The following PCLO variants were observed in gnomAD, a reference collection of about 807,000 sequenced individuals.
PCLO encodes the protein protein piccolo.
In PCLO, 82 loss-of-function variants were observed where a neutral mutation model predicts 427.5. That is an observed-to-expected ratio of 0.19 (90% CI 0.16 to 0.23). The LOEUF (loss-of-function observed/expected upper bound fraction) is 0.23. PCLO is among the 10% of genes least tolerant of loss of function. The pLI is 1.00. For synonymous variants in PCLO, 2,357 were observed against 2,155.4 expected (o/e 1.09, Z -2.59); for missense variants, 6,239 against 6,115.9 (o/e 1.02, Z -0.67).
In PCLO at chr7:82,954,806, T is replaced by G; in HGVS notation, c.6147A>C (p.Val2049=). 1 of 1,613,870 alleles carries G rather than the reference T, an allele frequency of 6.2e-7. No homozygotes were observed. The highest frequency in any genetic ancestry group is 8.5e-7 in the Non-Finnish European group (1 of 1,179,812). ...SHEIVDLGTM[V]TSTEEERKLL... ...GTTTCCTTTCTTCTTCTGTAGAAGT[T>G]ACCATAGTACCCAGGTCCACTATCT... The change falls in exon 5 of 25, where the codon GTA becomes GTC. Residue 2049 remains valine (V), a synonymous_variant. Coordinates refer to ENST00000333891, the MANE Select transcript of PCLO (RefSeq NM_033026.6).
chr7:82,988,039 T>C (rs1400551552), intron 3 of PCLO, among the ~76,000 whole-genome samples: 1 of 152,136 alleles, frequency 6.6e-6, no homozygotes, highest in Non-Finnish European at 1.5e-5. Context: ...TGAGTATGGA[T>C]ATACTATTTA....
chr7:82,888,099 T>C (rs577831646), intron 9 of PCLO, among the ~76,000 whole-genome samples: 1 of 150,278 alleles, frequency 6.7e-6, no homozygotes, highest in South Asian at 2.1e-4. Flanking sequence ...AGAAAGAAAA[T>C]GAATACTATG....
intron 22 of PCLO, among the ~76,000 whole-genome samples, chr7:82,767,230 C>T (rs1208179600): frequency 1.3e-5 from 2 of 152,116 alleles, no homozygotes; most frequent in Admixed American, 6.6e-5. Context: ...TTAGAAAATG[C>T]TTTGACCAGC....
At chr7:82,858,647 C>T (rs942325939) in intron 10 of PCLO, among the ~76,000 whole-genome samples, 2 of 152,074 alleles carry the variant, frequency 1.3e-5, no homozygotes, top group Admixed American at 6.6e-5. Context: ...CTATACTATA[C>T]TCAGCTTATA....
Position 82,755,873 on chromosome 7 carries a change from T to C in PCLO, c.*2702A>G, listed in dbSNP as rs1005541470. 6.6e-6 allele frequency: 1 copy of C among 152,108 alleles called. No individual in the cohort carries two copies. The highest frequency in any genetic ancestry group is 2.4e-5 in the African/African-American group (1 of 41,424). The allele number at this position is 152,108 out of a possible 1,614,324, so 9.4% of individuals were successfully genotyped here. On this transcript the variant is annotated 3_prime_UTR_variant, in exon 25 of 25. Coordinates refer to ENST00000333891, the MANE Select transcript of PCLO (RefSeq NM_033026.6). ...ATTCCAGTACAACCTAGAAGTTTGG[T>C]CAGCTGCAAACTTGGCACACTGGCA...
chr7:82,865,955 C>T (rs773723089), intron 10 of PCLO, among the ~76,000 whole-genome samples: 2 of 152,122 alleles, frequency 1.3e-5, no homozygotes, highest in Non-Finnish European at 2.9e-5. Flanking sequence ...AATTGCGTCT[C>T]ATCTCACATA....
intron 8 of PCLO, among the ~76,000 whole-genome samples, chr7:82,903,276 C>A (rs985516828): frequency 1.3e-5 from 2 of 151,860 alleles, no homozygotes; most frequent in Admixed American, 6.6e-5. Context: ...AGCACAGGTA[C>A]TAGAAGTTTC....
intron 22 of PCLO, among the ~76,000 whole-genome samples, chr7:82,799,739 A>T (rs1259046357): frequency 2.6e-5 from 4 of 152,230 alleles, no homozygotes; most frequent in Non-Finnish European, 4.4e-5. Flanking sequence ...GTCTCAGGAT[A>T]TATTTCTGGC....
intron 6 of PCLO, among the ~76,000 whole-genome samples, chr7:82,947,594 T>G (rs946190203): frequency 6.6e-6 from 1 of 152,154 alleles, no homozygotes; most frequent in Non-Finnish European, 1.5e-5. Flanking sequence ...TACCTGTGCA[T>G]GTAATAAGAC....
intron 1 of PCLO, 124 bp downstream of exon 1, chr7:83,162,221 T>G: frequency 8.6e-7 from 1 of 1,167,928 alleles, no homozygotes; most frequent in Non-Finnish European, 1.2e-6. Context: ...GCCACCCCAC[T>G]GGGGAGAATA....
intron 7 of PCLO, among the ~76,000 whole-genome samples, chr7:82,910,929 C>T (rs1004796430): frequency 4.6e-5 from 7 of 151,964 alleles, no homozygotes; most frequent in African/African-American, 1.4e-4. Context: ...TACTTCTTAC[C>T]GGATTTTATT....
chr7:82,943,644 T>C (rs1455928109), intron 6 of PCLO, among the ~76,000 whole-genome samples: 6 of 152,110 alleles, frequency 3.9e-5, no homozygotes, highest in South Asian at 2.1e-4. Context: ...ATTGAAGTTA[T>C]TGATCATCTG....
chr7:82,940,863 T>C (rs897270924), intron 6 of PCLO, among the ~76,000 whole-genome samples: 3 of 149,460 alleles, frequency 2.0e-5, no homozygotes, highest in Admixed American at 6.7e-5. Context: ...CCCGGGTTCA[T>C]GCCATTCTCC....
Position 83,044,737 on chromosome 7 carries a change from C to T in PCLO, c.3301-78250G>A, listed in dbSNP as rs562254377. ...AATTGCATACTTTGGAACACTAAAT[C>T]GCACATGTAACATATGTACAAAAAT... On this transcript the variant is annotated intron_variant, in intron 3 of 24. Coordinates refer to ENST00000333891, the MANE Select transcript of PCLO (RefSeq NM_033026.6). Among the ~76,000 whole-genome samples the T allele has an allele frequency of 3.9e-5, 6 of 152,112 alleles. No individual in the cohort carries two copies. The South Asian group carries it at 8.3e-4, about 21-fold the overall frequency.
chr7:82,992,012 C>T (rs1796388541), intron 3 of PCLO, among the ~76,000 whole-genome samples: 1 of 152,066 alleles, frequency 6.6e-6, no homozygotes, highest in African/African-American at 2.4e-5. Flanking sequence ...CTTCTTTTGC[C>T]TATGTCAAAA....
At chr7:83,038,023 A>ATATATATATATATATATATT (rs1562932918) in intron 3 of PCLO, among the ~76,000 whole-genome samples, 2 of 52,824 alleles carry the variant, frequency 3.8e-5, no homozygotes, top group Non-Finnish European at 5.9e-5. Context: ...ATATATATAT[A>ATATATATATATATATATATT]TATATATTTA....
At chr7:83,106,675 C>T (rs116609170) in intron 3 of PCLO, among the ~76,000 whole-genome samples, 1,548 of 152,124 alleles carry the variant, frequency 0.01, 20 homozygotes, top group African/African-American at 0.035. Context: ...AAAATATCCA[C>T]ATAGAAAAGG....
intron 6 of PCLO, among the ~76,000 whole-genome samples, chr7:82,945,565 G>A (rs1795184092): frequency 6.6e-6 from 1 of 152,168 alleles, no homozygotes; most frequent in African/African-American, 2.4e-5. Flanking sequence ...AACAGAGGTA[G>A]ACACATACAG....
In PCLO at chr7:82,952,412, A is replaced by G. The variant is rs2116433378; in HGVS notation, c.8541T>C (p.Ala2847=). 6.2e-7 allele frequency: 1 copy of G among 1,613,832 alleles called. No individual in the cohort carries two copies. Among genetic ancestry groups the G allele is most frequent in the African/African-American group, 1.3e-5 (1 of 75,020 alleles). Residue 2847 remains alanine (A), a synonymous_variant, in exon 5 of 25, where the codon GCT becomes GCC. Coordinates refer to ENST00000333891, the MANE Select transcript of PCLO (RefSeq NM_033026.6). The part of the protein sequence containing the change: ...RIPSDQVFPI[A]REEAPINLSL... ...ATAAGTTTATTGGTGCTTCTTCCCTAGCTATAGGAAAGACCTGGTCACTTG... is the reference window on the plus strand; with the variant it reads ...ATAAGTTTATTGGTGCTTCTTCCCTGGCTATAGGAAAGACCTGGTCACTTG...
Sources: gnomAD v4.1 joint callset for allele counts (sites outside exome capture counted in the v4.1 genomes callset) on GRCh38, gnomAD v4.1.1 for gene constraint, MANE v1.5 for transcripts, NCBI Gene and HGNC (gene_info 2026-07-23, HGNC 2026-07-21) for gene names.